Variants in EDRF1 observed in about 807,000 individuals in gnomAD.
EDRF1 encodes erythroid differentiation regulatory factor 1, also known as erythroid differentiation-related factor 1.
In EDRF1, 69 loss-of-function variants were observed where a neutral mutation model predicts 148.7. The ratio of observed to expected loss-of-function variants is 0.46; its 90% CI spans 0.38 to 0.57. The LOEUF (loss-of-function observed/expected upper bound fraction) is 0.57. Ranked by LOEUF, EDRF1 falls within the 20% of genes least tolerant of loss-of-function variation. The probability of loss-of-function intolerance (pLI) is 0.00; values close to 1 mark genes in which losing one functional copy is unlikely to be tolerated. For missense variants in EDRF1, 1,118 were observed against 1,478.7 expected (o/e 0.76, Z 4.00); for synonymous variants, 515 against 532.8 (o/e 0.97, Z 0.46).
chr10:125,733,782 T>C, intron 11 of EDRF1, 39 bp downstream of exon 11: 1 of 1,549,154 alleles, frequency 6.5e-7, no homozygotes, highest in Admixed American at 1.7e-5. Flanking sequence ...AAGTAGCCTA[T>C]TATATAAAGT....
intron 2 of EDRF1, among the ~76,000 whole-genome samples, chr10:125,721,873 A>G (rs985045001): frequency 1.3e-5 from 2 of 152,228 alleles, no homozygotes; most frequent in African/African-American, 4.8e-5. Context: ...TGACTTTGAC[A>G]CCAGAACTGA....
chr10:125,736,707 T>A (rs1372674680), intron 13 of EDRF1, among the ~76,000 whole-genome samples: 1 of 152,052 alleles, frequency 6.6e-6, no homozygotes, highest in African/African-American at 2.4e-5. Context: ...CTGGGTTTTT[T>A]TTCTCTCAAA....
Position 125,733,674 on chromosome 10 carries a change from C to T in EDRF1, c.1316C>T (p.Thr439Ile). 6.2e-7 allele frequency: 1 copy of T among 1,613,604 alleles called. No homozygotes were observed. The highest frequency in any genetic ancestry group is 8.5e-7 in the Non-Finnish European group (1 of 1,179,608). Residue 439 changes from threonine to isoleucine, a missense_variant, in exon 11 of 25, where the codon ACT becomes ATT. Coordinates refer to ENST00000356792, the MANE Select transcript of EDRF1 (RefSeq NM_001202438.2). ...SDIVKLYDLT[T>I]LCEETEDKYQ... ...ATAGTGAAGCTCTATGACCTCACTA[C>T]TCTTTGTGAAGAAACTGAAGACAAA...
Position 125,749,442 on chromosome 10 carries a change from C to T in EDRF1, c.3154C>T (p.Arg1052Trp), listed in dbSNP as rs754209987. ...TGATGAACACCTTAGGAAACAACAC[C>T]GGGTGCTGGCAGATCTTCATTACAG... Reference protein sequence around the residue: ...VGDEHLRKQHRVLADLHYSKA... With the variant: ...VGDEHLRKQHWVLADLHYSKA... Residue 1052 changes from arginine to tryptophan, a missense_variant, in exon 22 of 25, where the codon CGG becomes TGG. Arg to Trp is a moderately radical substitution (Grantham distance 101). Transcript: ENST00000356792. 7.4e-6 allele frequency: 12 copies of T among 1,613,970 alleles called. No homozygotes were observed. The highest frequency in any genetic ancestry group is 5.3e-5 in the African/African-American group (4 of 74,894).
chr10:125,744,215 GTTTC>G (rs1403581947), intron 18 of EDRF1, among the ~76,000 whole-genome samples: 5 of 146,568 alleles, frequency 3.4e-5, no homozygotes, highest in East Asian at 2.0e-4. Context: ...GGTTTTGGTT[GTTTC>G]TTTTTTTTTT....
Position 125,738,464 on chromosome 10 carries a change from C to T in EDRF1, c.1981+19C>T, listed in dbSNP as rs1269817998. On this transcript the variant is annotated intron_variant, in intron 15 of 24. Transcript: ENST00000356792. ...GACAAAAGTAAGTTGAATTGATGTG[C>T]AAATAAGGCCTTCAATAGAATAATA... 2.5e-6 allele frequency: 4 copies of T among 1,613,694 alleles called. No individual in the cohort carries two copies. The highest frequency in any genetic ancestry group is 1.3e-5 in the African/African-American group (1 of 74,860).
chr10:125,735,906 T>C lies in EDRF1; in HGVS notation c.1758+2T>C. The C allele has an allele frequency of 6.2e-7, 1 of 1,603,138 alleles. No individual in the cohort carries two copies. Among genetic ancestry groups the C allele is most frequent in the Non-Finnish European group, 8.5e-7 (1 of 1,172,192 alleles). On this transcript the variant is annotated splice_donor_variant, in intron 13 of 24. Coordinates refer to ENST00000356792, the MANE Select transcript of EDRF1 (RefSeq NM_001202438.2). LOFTEE classifies it high-confidence loss of function. ...TACAAATCTATTCATCAAATCAGAG[T>C]AAGCCTTTAGAATTTATATTAAATT...
chr10:125,746,319 T>G (rs570644647), intron 19 of EDRF1, among the ~76,000 whole-genome samples: 10 of 152,296 alleles, frequency 6.6e-5, no homozygotes, highest in African/African-American at 2.2e-4. Flanking sequence ...AAAAGTTGAA[T>G]AAACTCAAAT....
Position 125,719,803 on chromosome 10 carries a change from A to G in EDRF1, c.-5A>G. 6.2e-7 allele frequency: 1 copy of G among 1,609,480 alleles called. No homozygotes were observed. The highest frequency in any genetic ancestry group is 8.5e-7 in the Non-Finnish European group (1 of 1,177,920). ...CCGTCGTATCGCCTGCCCTGGATCG[A>G]AGTGATGGGGGATGCCAAGGAGGCC... On this transcript the variant is annotated 5_prime_UTR_variant, in exon 1 of 25. Transcript: ENST00000356792.
intron 24 of EDRF1, chr10:125,757,095 G>C (rs1314744201): frequency 1.2e-5 from 5 of 414,346 alleles, no homozygotes; most frequent in African/African-American, 4.1e-5. Flanking sequence ...TTACAAGTAT[G>C]AGCCACTGCA....
chr10:125,755,465 T>C (rs954460308), intron 24 of EDRF1, among the ~76,000 whole-genome samples: 3 of 152,360 alleles, frequency 2.0e-5, no homozygotes, highest in African/African-American at 7.2e-5. Context: ...ACTTTTCTTA[T>C]AATGGGTTTG....
chr10:125,752,714 G>A (rs971418198), intron 22 of EDRF1, 85 bp from the exon 23 acceptor site: 5 of 889,900 alleles, frequency 5.6e-6, no homozygotes, highest in Middle Eastern at 2.2e-4. Context: ...CATTTTGAAA[G>A]TCTGAATTTT....
intron 3 of EDRF1, among the ~76,000 whole-genome samples, 178 bp downstream of exon 3, chr10:125,723,312 C>T (rs1020998560): frequency 3.3e-5 from 5 of 152,132 alleles, no homozygotes; most frequent in African/African-American, 1.2e-4. Flanking sequence ...TTGTTTACCA[C>T]ATTTGTATTT....
chr10:125,723,156 A>G lies in EDRF1; in HGVS notation c.384+22A>G, dbSNP rs17153469. On this transcript the variant is annotated intron_variant, in intron 3 of 24. Coordinates refer to ENST00000356792, the MANE Select transcript of EDRF1 (RefSeq NM_001202438.2). ...TGAAGTAAGTGTTATTTGTCGCTTA[A>G]TGTAATTTTGGAGGTGTTTTGTGAT... 4,462 of 1,609,328 alleles carry G rather than the reference A, an allele frequency of 2.8e-3. 76 individuals are homozygous for G. Among genetic ancestry groups the G allele is most frequent in the East Asian group, 0.027 (1,215 of 44,762 alleles).
intron 18 of EDRF1, among the ~76,000 whole-genome samples, chr10:125,743,908 C>T (rs4962485): frequency 0.87 from 131,771 of 152,126 alleles, 57,136 homozygotes; most frequent in East Asian, 0.92. Context: ...TGTGGGATGG[C>T]GTAGTAAGAT....
chr10:125,727,746 T>A (rs1259683602), intron 6 of EDRF1, among the ~76,000 whole-genome samples: 1 of 152,214 alleles, frequency 6.6e-6, no homozygotes, highest in African/African-American at 2.4e-5. Context: ...GTTTGTGGAA[T>A]AAGCAACACA....
chr10:125,723,764 A>C (rs1192097091), intron 3 of EDRF1, 47 bp from the exon 4 acceptor site: 2 of 1,559,096 alleles, frequency 1.3e-6, no homozygotes, highest in Non-Finnish European at 1.8e-6. Flanking sequence ...ATTCCAAATC[A>C]CACTAAAACA....
intron 24 of EDRF1, among the ~76,000 whole-genome samples, chr10:125,757,953 CTG>C (rs1433499905): frequency 1.3e-5 from 2 of 152,236 alleles, no homozygotes; most frequent in East Asian, 1.9e-4. Flanking sequence ...CTCTCCTCCT[CTG>C]TAGCCCGTTA....
intron 18 of EDRF1, 42 bp downstream of exon 18, chr10:125,743,318 A>C: frequency 6.5e-7 from 1 of 1,547,006 alleles, no homozygotes; most frequent in Non-Finnish European, 8.9e-7. Flanking sequence ...TTGTTCTCTC[A>C]GAAAATTATG....
Sources: allele counts gnomAD v4.1 joint callset (sites outside exome capture counted in the v4.1 genomes callset), GRCh38; gene constraint gnomAD v4.1.1; transcripts MANE v1.5; gene names NCBI Gene and HGNC (gene_info 2026-07-23, HGNC 2026-07-21).